Variants in ACTN2 observed in about 807,000 individuals in gnomAD.
ACTN2 encodes actinin alpha 2.
ACTN2 carries 39 observed loss-of-function variants against 113.8 expected under a neutral mutation model. The observed-to-expected ratio is 0.34, with a 90% CI of 0.27 to 0.45. The LOEUF (loss-of-function observed/expected upper bound fraction) is 0.45. Ranked by LOEUF, ACTN2 falls within the 20% of genes least tolerant of loss-of-function variation. The pLI is 1.00. For synonymous variants in ACTN2, 429 were observed against 444.1 expected (o/e 0.97, Z 0.43); for missense variants, 992 against 1,177.9 (o/e 0.84, Z 2.31).
intron 15 of ACTN2, among the ~76,000 whole-genome samples, chr1:236,752,629 G>A (rs1342348832): frequency 2.6e-5 from 4 of 152,032 alleles, no homozygotes; most frequent in Admixed American, 6.6e-5. Context: ...TCGGCTCATT[G>A]CAACCTCTTC....
chr1:236,760,932 A>C, intron 19 of ACTN2, 83 bp from the exon 20 acceptor site: 1 of 1,552,488 alleles, frequency 6.4e-7, no homozygotes, highest in Non-Finnish European at 8.9e-7. Context: ...AGGAATTGGC[A>C]TGTCACCAGG....
At chr1:236,721,963 T>G (rs1041934508) in intron 4 of ACTN2, among the ~76,000 whole-genome samples, 28 of 152,146 alleles carry the variant, frequency 1.8e-4, no homozygotes, top group African/African-American at 6.8e-4. Context: ...CAAAGCAAGA[T>G]AGCTAAATCA....
chr1:236,710,257 AG>A (rs1188677571), intron 1 of ACTN2, among the ~76,000 whole-genome samples: 74 of 152,382 alleles, frequency 4.9e-4, no homozygotes, highest in Admixed American at 2.2e-3. Context: ...TAGGGAATGT[AG>A]GTTGATATGA....
chr1:236,716,099 CTTTTT>C (rs74259944), intron 1 of ACTN2, among the ~76,000 whole-genome samples: 2 of 118,124 alleles, frequency 1.7e-5, no homozygotes, highest in Non-Finnish European at 1.7e-5. Context: ...CCTTCTTCTT[CTTTTT>C]TTTTTTTTTT....
chr1:236,702,195 GAT>G (rs1291390176), intron 1 of ACTN2, among the ~76,000 whole-genome samples: 1 of 152,152 alleles, frequency 6.6e-6, no homozygotes. Flanking sequence ...AGGATTGCTG[GAT>G]TGGATCCAAG....
chr1:236,732,785 G>C (rs748232606), intron 7 of ACTN2, among the ~76,000 whole-genome samples: 3 of 152,086 alleles, frequency 2.0e-5, no homozygotes, highest in African/African-American at 7.2e-5. Flanking sequence ...ATTGCATTAA[G>C]GGCCCATCCT....
intron 1 of ACTN2, among the ~76,000 whole-genome samples, chr1:236,699,370 C>T (rs1432854233): frequency 1.3e-5 from 2 of 152,122 alleles, no homozygotes; most frequent in East Asian, 3.8e-4. Context: ...CCAAGATTTT[C>T]CCCCAGTCAA....
intron 18 of ACTN2, 42 bp downstream of exon 18, chr1:236,757,674 T>G: frequency 6.2e-7 from 1 of 1,611,356 alleles, no homozygotes; most frequent in Non-Finnish European, 8.5e-7. Context: ...CTGGGGACAT[T>G]AAACAATGTA....
intron 1 of ACTN2, among the ~76,000 whole-genome samples, chr1:236,707,965 C>T (rs2102878162): frequency 2.0e-5 from 3 of 152,054 alleles, no homozygotes; most frequent in Middle Eastern, 6.8e-3. Context: ...CCCGCCTCGG[C>T]CTCTCAAAGT....
At chr1:236,735,552 G>T (rs1204893147) in intron 7 of ACTN2, 83 bp from the exon 8 acceptor site, 2 of 1,273,232 alleles carry the variant, frequency 1.6e-6, no homozygotes, top group Non-Finnish European at 2.3e-6. Flanking sequence ...TCTTCCCTCT[G>T]TTCTCCCTGG....
At position 236,686,659 on chromosome 1, in the gene ACTN2, G is replaced by A. The variant is rs750521308; in HGVS notation, c.-15G>A. The A allele has an allele frequency of 1.3e-6, 2 of 1,549,528 alleles. No individual in the cohort carries two copies. Among genetic ancestry groups the A allele is most frequent in the South Asian group, 1.2e-5 (1 of 85,606 alleles). On this transcript the variant is annotated 5_prime_UTR_variant, in exon 1 of 21. Coordinates refer to ENST00000366578, the MANE Select transcript of ACTN2 (RefSeq NM_001103.4). ...GCCCCTCGCGCCCCGCCGCAGCCCC[G>A]GCCAACCGAGCGCCATGAACCAGAT...
chr1:236,747,544 C>CA, intron 12 of ACTN2, 123 bp from the exon 13 acceptor site: 1 of 829,678 alleles, frequency 1.2e-6, no homozygotes, highest in Non-Finnish European at 2.0e-6. Flanking sequence ...TCTCTATGTC[C>CA]ATGTGGATAC....
intron 7 of ACTN2, among the ~76,000 whole-genome samples, chr1:236,731,905 C>CT (rs147858746): frequency 0.065 from 9,833 of 152,260 alleles, 367 homozygotes; most frequent in Admixed American, 0.13. Context: ...GTTTCAAATA[C>CT]TTTTTGTCCC....
chr1:236,722,773 T>C (rs142363635), intron 4 of ACTN2, among the ~76,000 whole-genome samples: 3 of 152,278 alleles, frequency 2.0e-5, no homozygotes, highest in African/African-American at 7.2e-5. Flanking sequence ...TTACTGCCAA[T>C]CTGTAACATG....
chr1:236,758,789 T>A (rs1222848068), intron 18 of ACTN2, among the ~76,000 whole-genome samples: 3 of 152,044 alleles, frequency 2.0e-5, no homozygotes, highest in Non-Finnish European at 4.4e-5. Flanking sequence ...CTGGCTAATT[T>A]TTTGTATTTT....
chr1:236,720,484 G>T (rs1658352223), intron 4 of ACTN2, among the ~76,000 whole-genome samples: 1 of 152,262 alleles, frequency 6.6e-6, no homozygotes, highest in East Asian at 1.9e-4. Context: ...TAAATTTACA[G>T]CTATGGCAGA....
chr1:236,715,155 CTTTT>C (rs5781921), intron 1 of ACTN2, among the ~76,000 whole-genome samples: 9 of 143,208 alleles, frequency 6.3e-5, no homozygotes, highest in African/African-American at 2.3e-4. Context: ...TTTCTTTTTC[CTTTT>C]TTTTTTTTTT....
intron 4 of ACTN2, among the ~76,000 whole-genome samples, chr1:236,724,625 C>T (rs1005991491): frequency 4.6e-5 from 7 of 152,200 alleles, no homozygotes; most frequent in Admixed American, 6.5e-5. Flanking sequence ...AGGAGTCTCA[C>T]GTCGCATAGG....
chr1:236,753,983 C>A lies in ACTN2; in HGVS notation c.1876C>A (p.Gln626Lys). ...QLVPIRDQSL[Q>K]EELARQHANE... The stretch of plus-strand genomic sequence containing the variant: ...CGTGCCCATCCGCGATCAATCCCTG[C>A]AGGAGGAGCTGGCTCGCCAGCATGC... Residue 626 changes from glutamine (Q) to lysine (K), a missense_variant, in exon 16 of 21, where the codon CAG becomes AAG. Gln to Lys is a moderately conservative substitution (Grantham distance 53, BLOSUM62 1). This residue lies in a region of ACTN2 where 736 missense variants were observed against 815.4 expected (regional missense o/e 0.90). Coordinates refer to ENST00000366578, the MANE Select transcript of ACTN2 (RefSeq NM_001103.4). 4 of 1,614,186 alleles carry A rather than the reference C, an allele frequency of 2.5e-6. No homozygotes were observed. The South Asian group carries it at 3.3e-5, about 13-fold the overall frequency.
Sources: gnomAD v4.1 joint callset for allele counts (sites outside exome capture counted in the v4.1 genomes callset) on GRCh38, gnomAD v4.1.1 for gene constraint, gnomAD v4.1.1 regional missense constraint, MANE v1.5 for transcripts, NCBI Gene and HGNC (gene_info 2026-07-23, HGNC 2026-07-21) for gene names.